The following NTPCR variants were observed in gnomAD, a reference collection of about 807,000 sequenced individuals.
NTPCR encodes the protein nucleoside-triphosphatase, cancer-related, also known as cancer-related nucleoside-triphosphatase.
Under a neutral mutation model 19.5 loss-of-function variants are expected in NTPCR, and 15 were observed. The ratio of observed to expected loss-of-function variants is 0.77; its 90% CI spans 0.51 to 1.18. NTPCR has a LOEUF of 1.18. NTPCR is among the 50% of genes most tolerant of loss of function. The probability of loss-of-function intolerance (pLI) is 0.00; values close to 1 mark genes in which losing one functional copy is unlikely to be tolerated. For synonymous variants in NTPCR, 90 were observed against 95.8 expected (o/e 0.94, Z 0.36); for missense variants, 206 against 240.4 (o/e 0.86, Z 0.95).
chr1:232,976,712 A>G (rs1490122854), intron 4 of NTPCR: 3 of 825,242 alleles, frequency 3.6e-6, no homozygotes, highest in Middle Eastern at 3.8e-4. Context: ...TGACGCAGCC[A>G]GGACCGGTAG....
intron 4 of NTPCR, chr1:232,976,765 G>A (rs1373570563): frequency 2.2e-6 from 1 of 455,122 alleles, no homozygotes; most frequent in East Asian, 4.1e-5. Flanking sequence ...CAGTAGAAAT[G>A]GGATCACGGG....
At chr1:232,970,458 G>A (rs1668944874) in intron 4 of NTPCR, among the ~76,000 whole-genome samples, 1 of 152,186 alleles carries the variant, frequency 6.6e-6, no homozygotes, top group Non-Finnish European at 1.5e-5. Flanking sequence ...AAAGGCGCCA[G>A]GTTGGGATAC....
chr1:232,957,480 G>A, intron 3 of NTPCR, among the ~76,000 whole-genome samples: 1 of 152,082 alleles, frequency 6.6e-6, no homozygotes, highest in East Asian at 1.9e-4. Flanking sequence ...GCATATAGTT[G>A]TTCATAGATT....
At chr1:232,970,223 T>G (rs1169968513) in intron 4 of NTPCR, 105 bp downstream of exon 4, 1 of 900,284 alleles carries the variant, frequency 1.1e-6, no homozygotes, top group African/African-American at 1.7e-5. Context: ...ATTTTTTCCC[T>G]TCCATGCTGA....
At chr1:232,953,140 A>G (rs1402525400) in intron 1 of NTPCR, among the ~76,000 whole-genome samples, 1 of 152,152 alleles carries the variant, frequency 6.6e-6, no homozygotes, top group East Asian at 1.9e-4. Flanking sequence ...AGTGCACCTC[A>G]TGCTGGTGTC....
In NTPCR at chr1:232,950,666, C is replaced by T; in HGVS notation, c.-45C>T. On this transcript the variant is annotated 5_prime_UTR_variant, in exon 1 of 5. Coordinates refer to ENST00000366628, the MANE Select transcript of NTPCR (RefSeq NM_032324.3). ...GACCTGACCTGAATTGCGACCCCAA[C>T]CTGGACTGCTCCCCTGACCGCAACC... The T allele has an allele frequency of 6.4e-7, 1 of 1,553,580 alleles. No individual in the cohort carries two copies. The highest frequency in any genetic ancestry group is 1.1e-5 in the South Asian group (1 of 89,554).
chr1:232,955,602 A>G lies in NTPCR; in HGVS notation c.80A>G (p.Lys27Arg). 6.2e-7 allele frequency: 1 copy of G among 1,612,632 alleles called. No homozygotes were observed. The highest frequency in any genetic ancestry group is 1.1e-5 in the South Asian group (1 of 90,924). Residue 27 changes from lysine to arginine, a missense_variant, in exon 2 of 5, where the codon AAA (lysine) becomes AGA (arginine). By Grantham distance (26) the Lys-to-Arg change is conservative. Coordinates refer to ENST00000366628, the MANE Select transcript of NTPCR (RefSeq NM_032324.3). Reference protein sequence around the residue: ...TLIHKASEVLKSSGVPVDGFY... With the variant: ...TLIHKASEVLRSSGVPVDGFY... ...ATCCATAAAGCCAGTGAGGTTTTAA[A>G]ATCCTCTGGTGTGCCTGTTGATGGA...
chr1:232,970,077 G>C lies in NTPCR; in HGVS notation c.463G>C (p.Val155Leu). 6.2e-7 allele frequency: 1 copy of C among 1,614,152 alleles called. No individual in the cohort carries two copies. The highest frequency in any genetic ancestry group is 8.5e-7 in the Non-Finnish European group (1 of 1,180,020). ...TCCTAAAGGAAAGCCACTGGCTCTT[G>C]TAGAAGAAATCAGAAACAGAAAGGA... ...PVPKGKPLAL[V>L]EEIRNRKDVK... The change falls in exon 4 of 5, where the codon GTA becomes CTA. Residue 155 changes from valine (V) to leucine (L), a missense_variant. Transcript: ENST00000366628.
At chr1:232,968,428 CTATCT>C (rs1471353188) in intron 3 of NTPCR, 1 of 152,248 alleles carries the variant, frequency 6.6e-6, no homozygotes, top group African/African-American at 2.4e-5. Flanking sequence ...TAGACACCCA[CTATCT>C]TATCTTGTCT....
intron 3 of NTPCR, chr1:232,969,475 C>T (rs1668913205): frequency 5.9e-6 from 1 of 170,690 alleles, no homozygotes; most frequent in African/African-American, 2.4e-5. Context: ...GAGATAACTG[C>T]TCTAGGTAGA....
chr1:232,951,480 C>A (rs1668364665), intron 1 of NTPCR, among the ~76,000 whole-genome samples: 1 of 151,992 alleles, frequency 6.6e-6, no homozygotes, highest in Admixed American at 6.6e-5. Flanking sequence ...TGCTTTTAAA[C>A]CAAGGCGCTA....
intron 3 of NTPCR, chr1:232,963,695 A>C (rs1429574713): frequency 3.9e-5 from 6 of 152,034 alleles, no homozygotes; most frequent in Non-Finnish European, 8.8e-5. Context: ...TTTTTTTGAC[A>C]ATTTTTTTAA....
intron 4 of NTPCR, among the ~76,000 whole-genome samples, chr1:232,971,889 T>C (rs1368517826): frequency 6.6e-6 from 1 of 152,186 alleles, no homozygotes; most frequent in Non-Finnish European, 1.5e-5. Flanking sequence ...GTTGTGATTA[T>C]AGAGTTTCCA....
At chr1:232,953,563 G>A (rs191665698) in intron 1 of NTPCR, among the ~76,000 whole-genome samples, 102 of 151,824 alleles carry the variant, frequency 6.7e-4, no homozygotes, top group African/African-American at 2.1e-3. Context: ...AAATATAAAC[G>A]GCAATTTTTG....
chr1:232,956,692 T>A (rs910542609), intron 3 of NTPCR, among the ~76,000 whole-genome samples: 3 of 152,184 alleles, frequency 2.0e-5, no homozygotes, highest in Non-Finnish European at 2.9e-5. Flanking sequence ...GGTACCAACA[T>A]TCCCAAAGAT....
chr1:232,977,906 A>G (rs942029020), intron 4 of NTPCR, among the ~76,000 whole-genome samples: 1 of 151,868 alleles, frequency 6.6e-6, no homozygotes, highest in African/African-American at 2.4e-5. Flanking sequence ...AGCTCTCCCC[A>G]TGGTTGGCTG....
chr1:232,976,618 A>G, intron 4 of NTPCR: 1 of 1,426,172 alleles, frequency 7.0e-7, no homozygotes, highest in Non-Finnish European at 9.2e-7. Context: ...AGCCAAAGGA[A>G]AAGCTGACTG....
intron 4 of NTPCR, 82 bp from the exon 5 acceptor site, chr1:232,978,081 G>A (rs1045158): frequency 3.3e-5 from 40 of 1,221,554 alleles, no homozygotes; most frequent in South Asian, 3.8e-5. Flanking sequence ...CCTTCCAGGC[G>A]TTTCTTTTAG....
chr1:232,980,739 C>G lies in NTPCR; in HGVS notation c.*2508C>G, dbSNP rs375345588. 1 of 144,884 alleles carries G rather than the reference C, an allele frequency of 6.9e-6. No individual in the cohort carries two copies. Among genetic ancestry groups the G allele is most frequent in the African/African-American group, 2.6e-5 (1 of 38,118 alleles). 9.0% of individuals were successfully genotyped at this position (144,884 alleles called of 1,614,324 possible). A position where few individuals can be genotyped will look rare whatever the true frequency, so the allele number is the denominator to read the frequency against. ...TGAGATTTAAAGGAAGAAGAGGTGC[C>G]GTGGCAGAACTCCACGTGACCGTCC... On this transcript the variant is annotated 3_prime_UTR_variant, in exon 5 of 5. Coordinates refer to ENST00000366628, the MANE Select transcript of NTPCR (RefSeq NM_032324.3).
Sources: gnomAD v4.1 joint callset for allele counts (sites outside exome capture counted in the v4.1 genomes callset) on GRCh38, gnomAD v4.1.1 for gene constraint, MANE v1.5 for transcripts, NCBI Gene and HGNC (gene_info 2026-07-23, HGNC 2026-07-21) for gene names.